Variants in PPM1D observed in about 807,000 individuals in gnomAD.
PPM1D encodes protein phosphatase, Mg2+/Mn2+ dependent 1D.
A neutral mutation model predicts 58.3 loss-of-function variants in PPM1D; 52 were observed. The ratio of observed to expected loss-of-function variants is 0.89; its 90% CI spans 0.71 to 1.12. The LOEUF (loss-of-function observed/expected upper bound fraction) is 1.12. PPM1D is among the 50% of genes most tolerant of loss of function. PPM1D has a pLI of 0.00. For missense variants in PPM1D, 564 were observed against 777.2 expected, an observed-to-expected ratio of 0.73 and a Z score of 3.26; for synonymous variants, 278 against 285.1, an observed-to-expected ratio of 0.98 and a Z score of 0.25.
chr17:60,618,144 G>C (rs2030623225), intron 1 of PPM1D, among the ~76,000 whole-genome samples: 1 of 152,094 alleles, frequency 6.6e-6, no homozygotes, highest in Non-Finnish European at 1.5e-5. Context: ...CCCATTTGTA[G>C]CCCTTATTAT....
chr17:60,609,834 ATGT>A (rs1242268643), intron 1 of PPM1D, among the ~76,000 whole-genome samples: 2 of 152,138 alleles, frequency 1.3e-5, no homozygotes, highest in Non-Finnish European at 2.9e-5. Context: ...TATTTTATTA[ATGT>A]TGTTAATTTC....
intron 4 of PPM1D, among the ~76,000 whole-genome samples, chr17:60,653,556 GAA>G (rs2031382692): frequency 6.6e-6 from 1 of 152,126 alleles, no homozygotes; most frequent in Admixed American, 6.6e-5. Flanking sequence ...TGAGCTTAAA[GAA>G]AAAATTATGT....
chr17:60,608,804 G>A (rs1282567025), intron 1 of PPM1D, among the ~76,000 whole-genome samples: 23 of 150,148 alleles, frequency 1.5e-4, no homozygotes, highest in African/African-American at 5.4e-4. Flanking sequence ...CTGGAGTGCA[G>A]TGGCGCTATC....
Position 60,600,652 on chromosome 17 carries a change from C to A in PPM1D, c.238C>A (p.Pro80Thr). ...VAAREARDPL[P>T]DAGASPAPSR... is the part of the protein sequence containing the mutation. Reference sequence around the variant, plus strand: ...AGCCCGAGAGGCTCGCGACCCTCTCCCGGACGCCGGGGCCTCGCCGGCACC... The same window carrying A: ...AGCCCGAGAGGCTCGCGACCCTCTCACGGACGCCGGGGCCTCGCCGGCACC... The change falls in exon 1 of 6, where the codon CCG becomes ACG. Residue 80 changes from proline to threonine, a missense_variant. Around this residue, in one of 7 missense-constraint regions of PPM1D, gnomAD observed 132 missense variants for 150.4 expected, o/e 0.88. Coordinates refer to ENST00000305921, the MANE Select transcript of PPM1D (RefSeq NM_003620.4). 1 of 1,549,674 alleles carries A rather than the reference C, an allele frequency of 6.5e-7. No individual in the cohort carries two copies.
intron 2 of PPM1D, among the ~76,000 whole-genome samples, chr17:60,624,788 A>G (rs2030772786): frequency 6.6e-6 from 1 of 151,842 alleles, no homozygotes; most frequent in African/African-American, 2.4e-5. Flanking sequence ...CACCATCTCA[A>G]AAAAGAAAAA....
Position 60,600,468 on chromosome 17 carries a change from G to A in PPM1D, c.54G>A (p.Arg18=). ...GVSVFSDQGG[R]KYMEDVTQIV... ...GCGTCTTCTCCGACCAGGGCGGGAG[G>A]AAGTACATGGAGGACGTTACTCAAA... The change falls in exon 1 of 6, where the codon AGG becomes AGA. Residue 18 remains arginine, a synonymous_variant. Coordinates refer to ENST00000305921, the MANE Select transcript of PPM1D (RefSeq NM_003620.4). 3 of 1,573,506 alleles carry A rather than the reference G, an allele frequency of 1.9e-6. No homozygotes were observed. Among genetic ancestry groups the A allele is most frequent in the Non-Finnish European group, 2.6e-6 (3 of 1,159,560 alleles).
At chr17:60,617,427 A>C (rs919005586) in intron 1 of PPM1D, among the ~76,000 whole-genome samples, 3 of 151,962 alleles carry the variant, frequency 2.0e-5, no homozygotes, top group Admixed American at 6.6e-5. Context: ...TTATAGTCCC[A>C]GCTGCTTGGG....
intron 3 of PPM1D, 86 bp from the exon 4 acceptor site, chr17:60,647,806 T>C: frequency 7.7e-7 from 1 of 1,294,278 alleles, no homozygotes; most frequent in South Asian, 1.3e-5. Context: ...TGAGATGAAC[T>C]GTGTAGATTT....
At chr17:60,634,271 G>T in intron 3 of PPM1D, among the ~76,000 whole-genome samples, 1 of 152,102 alleles carries the variant, frequency 6.6e-6, no homozygotes, top group East Asian at 1.9e-4. Context: ...AATTAGCTGG[G>T]CATAGTGATG....
At chr17:60,607,581 G>T (rs770183407) in intron 1 of PPM1D, among the ~76,000 whole-genome samples, 3 of 152,208 alleles carry the variant, frequency 2.0e-5, no homozygotes, top group Non-Finnish European at 4.4e-5. Context: ...GATTACAGGC[G>T]TGAGCCACCG....
Position 60,645,530 on chromosome 17 carries a change from A to ATG in PPM1D, c.827-2361_827-2360insGT, listed in dbSNP as rs1390506927. Among the ~76,000 whole-genome samples, 175 of 124,676 alleles carry ATG rather than the reference A, an allele frequency of 1.4e-3. 2 individuals are homozygous for ATG. The highest frequency in any genetic ancestry group is 5.8e-3 in the African/African-American group (157 of 27,178). 81.8% of individuals were successfully genotyped at this position (124,676 alleles called of 152,430 possible). Reference sequence around the variant, plus strand: ...TATATGTGTATATATATGTATATATATATGTGTATATATATGTATATATAT... The same window carrying ATG: ...TATATGTGTATATATATGTATATATATGTATGTGTATATATATGTATATATAT... On this transcript the variant is annotated intron_variant, in intron 3 of 5. Transcript: ENST00000305921.
intron 1 of PPM1D, among the ~76,000 whole-genome samples, chr17:60,614,967 C>T (rs2030552254): frequency 6.6e-6 from 1 of 152,182 alleles, no homozygotes; most frequent in Non-Finnish European, 1.5e-5. Flanking sequence ...AAGAACCCAC[C>T]AATTCTGGAC....
At chr17:60,655,512 C>A (rs1461628806) in intron 4 of PPM1D, among the ~76,000 whole-genome samples, 2 of 152,014 alleles carry the variant, frequency 1.3e-5, no homozygotes, top group African/African-American at 2.4e-5. Context: ...CCATGCCTGA[C>A]TAATTTTTGT....
chr17:60,627,443 A>G (rs1280824629), intron 2 of PPM1D, among the ~76,000 whole-genome samples: 2 of 150,658 alleles, frequency 1.3e-5, no homozygotes, highest in African/African-American at 4.9e-5. Context: ...TTTTTTTGAG[A>G]CAGAGTCTTG....
At position 60,632,822 on chromosome 17, in the gene PPM1D, G is replaced by A. The variant is rs145478646; in HGVS notation, c.702-1031G>A. Among the ~76,000 whole-genome samples, 565 of 151,340 alleles carry A rather than the reference G, an allele frequency of 3.7e-3. 10 individuals are homozygous for A. In the East Asian group the frequency reaches 0.074, roughly 20 times the overall value. ...GTCTCTACTAAAAATACAAAAATTA[G>A]CAGGCGTGGTAGCGTGTGCCTGTAG... On this transcript the variant is annotated intron_variant, in intron 2 of 5. Coordinates refer to ENST00000305921, the MANE Select transcript of PPM1D (RefSeq NM_003620.4).
chr17:60,629,815 A>G (rs941659664), intron 2 of PPM1D, among the ~76,000 whole-genome samples: 2 of 152,106 alleles, frequency 1.3e-5, no homozygotes, highest in Non-Finnish European at 2.9e-5. Context: ...AGGCGGGCGG[A>G]TCACCGGAGG....
chr17:60,663,373 A>G lies in PPM1D; in HGVS notation c.1639A>G (p.Met547Val). The part of the protein sequence containing the change: ...TLEESNSGPL[M>V]KKHRRNGLSR... ...AGAAGAGTCCAATTCTGGCCCCCTG[A>G]TGAAGAAGCATAGACGAAATGGCTT... The change falls in exon 6 of 6, where the codon ATG becomes GTG. Residue 547 changes from methionine (M) to valine (V), a missense_variant. Physicochemically the swap from Met to Val is conservative, Grantham distance 21 (BLOSUM62 1). Transcript: ENST00000305921. 6.2e-7 allele frequency: 1 copy of G among 1,614,208 alleles called. No individual in the cohort carries two copies.
chr17:60,649,056 G>A (rs1424962787), intron 4 of PPM1D, among the ~76,000 whole-genome samples: 1 of 151,810 alleles, frequency 6.6e-6, no homozygotes, highest in Admixed American at 6.6e-5. Context: ...ACCGCACCCG[G>A]CCTCCATCAC....
intron 3 of PPM1D, among the ~76,000 whole-genome samples, chr17:60,642,094 A>G (rs546552252): frequency 1.3e-5 from 2 of 152,332 alleles, no homozygotes; most frequent in South Asian, 2.1e-4. Flanking sequence ...TAAAGGCCCA[A>G]TTCTGATCCT....
Sources: allele counts gnomAD v4.1 joint callset (sites outside exome capture counted in the v4.1 genomes callset), GRCh38; gene constraint gnomAD v4.1.1; regional missense constraint gnomAD v4.1.1; transcripts MANE v1.5; gene names NCBI Gene and HGNC (gene_info 2026-07-23, HGNC 2026-07-21).